The following FCHSD2 variants were observed in gnomAD, a reference collection of about 807,000 sequenced individuals.
The protein encoded by FCHSD2 is FCH and double SH3 domains 2.
In FCHSD2, 38 loss-of-function variants were observed where a neutral mutation model predicts 108.1. The ratio of observed to expected loss-of-function variants is 0.35; its 90% confidence interval spans 0.27 to 0.46. The LOEUF (loss-of-function observed/expected upper bound fraction) is 0.46, where lower values mean the gene tolerates loss of function less well. Ranked by LOEUF, FCHSD2 falls within the 20% of genes least tolerant of loss-of-function variation. The probability of loss-of-function intolerance (pLI) is 1.00; values close to 1 mark genes in which losing one functional copy is unlikely to be tolerated. For missense variants in FCHSD2, 751 were observed against 897.8 expected (o/e 0.84, Z 2.09); for synonymous variants, 279 against 314.7 (o/e 0.89, Z 1.20).
At position 72,872,549 on chromosome 11, in the gene FCHSD2, T is replaced by C. The variant is rs561964692; in HGVS notation, c.1147-4523A>G. Among the ~76,000 whole-genome samples, 99 of 152,308 alleles carry C rather than the reference T, an allele frequency of 6.5e-4. 4 individuals are homozygous for C. The highest frequency in any genetic ancestry group is 4.1e-4 in the South Asian group (2 of 4,830). On this transcript the variant is annotated intron_variant, in intron 12 of 19. Transcript: ENST00000409418. ...AACACATATGAAACAATATAATACA[T>C]GGTCTTTTATGACTAACTTCTCTCA...
At chr11:72,942,949 T>C (rs890044211) in intron 8 of FCHSD2, among the ~76,000 whole-genome samples, 2 of 152,056 alleles carry the variant, frequency 1.3e-5, no homozygotes, top group African/African-American at 4.8e-5. Context: ...GCTGGGATTA[T>C]AGGTGTGAGC....
intron 8 of FCHSD2, among the ~76,000 whole-genome samples, chr11:72,963,133 G>A (rs760665266): frequency 1.1e-4 from 16 of 152,094 alleles, no homozygotes; most frequent in Non-Finnish European, 2.1e-4. Context: ...AGTACTTTAC[G>A]TGTGTTTTTA....
chr11:72,949,681 C>G (rs965632193), intron 8 of FCHSD2, among the ~76,000 whole-genome samples: 2 of 152,110 alleles, frequency 1.3e-5, no homozygotes, highest in Non-Finnish European at 2.9e-5. Context: ...TCAAGGTCTA[C>G]CCATGTTGTA....
At chr11:72,853,163 G>A (rs757578836) in intron 13 of FCHSD2, among the ~76,000 whole-genome samples, 4 of 152,062 alleles carry the variant, frequency 2.6e-5, no homozygotes, top group Non-Finnish European at 4.4e-5. Context: ...AATTGAGTTC[G>A]AGACTAGAAA....
chr11:72,852,047 T>C (rs1861303865), intron 13 of FCHSD2, among the ~76,000 whole-genome samples: 1 of 151,938 alleles, frequency 6.6e-6, no homozygotes, highest in Non-Finnish European at 1.5e-5. Flanking sequence ...TGGCTAATTT[T>C]TGTTTTTGGT....
intron 4 of FCHSD2, among the ~76,000 whole-genome samples, chr11:73,007,359 G>A (rs756202327): frequency 1.3e-5 from 2 of 152,096 alleles, no homozygotes; most frequent in African/African-American, 4.8e-5. Context: ...AGTGGCTCAC[G>A]CATGTAATCC....
chr11:72,870,889 G>GAC, intron 12 of FCHSD2, among the ~76,000 whole-genome samples: 1 of 83,480 alleles, frequency 1.2e-5, no homozygotes, highest in South Asian at 5.2e-4. Flanking sequence ...GACAGTGCGA[G>GAC]ACTCCGTCTC....
chr11:73,061,638 C>T (rs534120556), intron 3 of FCHSD2, among the ~76,000 whole-genome samples: 41 of 152,244 alleles, frequency 2.7e-4, no homozygotes, highest in African/African-American at 9.4e-4. Flanking sequence ...GAGAGACGTC[C>T]GCCATTGCTG....
At chr11:72,892,812 G>T (rs1432734803) in intron 10 of FCHSD2, among the ~76,000 whole-genome samples, 4 of 151,822 alleles carry the variant, frequency 2.6e-5, no homozygotes, top group Admixed American at 2.6e-4. Flanking sequence ...CACCATGTTG[G>T]CCAGGATGGT....
intron 5 of FCHSD2, among the ~76,000 whole-genome samples, chr11:72,999,209 T>A (rs1281182859): frequency 6.6e-6 from 1 of 152,132 alleles, no homozygotes; most frequent in African/African-American, 2.4e-5. Context: ...ATACCCAATA[T>A]GTACTGAATA....
At chr11:72,894,788 A>G (rs1363413156) in intron 10 of FCHSD2, among the ~76,000 whole-genome samples, 3 of 152,174 alleles carry the variant, frequency 2.0e-5, no homozygotes, top group Non-Finnish European at 4.4e-5. Flanking sequence ...ATTTGAACTA[A>G]TAAGAGGTTA....
At chr11:72,889,514 A>T (rs1044465686) in intron 11 of FCHSD2, among the ~76,000 whole-genome samples, 4 of 152,180 alleles carry the variant, frequency 2.6e-5, no homozygotes, top group African/African-American at 7.2e-5. Context: ...GTTTGAGACC[A>T]GCCTGGGAAA....
Position 72,838,644 on chromosome 11 carries a change from T to G in FCHSD2, c.*147A>C. ...CGAAATATTCAAAACGTGGGAGGAG[T>G]CTACCAGGCCACCCAGTCACACATA... On this transcript the variant is annotated 3_prime_UTR_variant, in exon 20 of 20. Transcript: ENST00000409418. 1.6e-5 allele frequency: 10 copies of G among 608,862 alleles called. No individual in the cohort carries two copies. The highest frequency in any genetic ancestry group is 6.4e-5 in the South Asian group (3 of 47,086). 37.7% of individuals were successfully genotyped at this position (608,862 alleles called of 1,614,324 possible). A position where few individuals can be genotyped will look rare whatever the true frequency, so the allele number is the denominator to read the frequency against.
chr11:73,071,719 G>T (rs1859441437), intron 3 of FCHSD2, among the ~76,000 whole-genome samples: 1 of 151,634 alleles, frequency 6.6e-6, no homozygotes, highest in Admixed American at 6.6e-5. Flanking sequence ...ACAAAAAAAA[G>T]TGTCCAGTAG....
chr11:73,068,003 C>A (rs1859337437), intron 3 of FCHSD2, among the ~76,000 whole-genome samples: 1 of 151,914 alleles, frequency 6.6e-6, no homozygotes, highest in Admixed American at 6.6e-5. Context: ...AGAATAAGAA[C>A]CAAGTGAAAG....
intron 12 of FCHSD2, among the ~76,000 whole-genome samples, chr11:72,878,062 G>T (rs904426460): frequency 4.0e-5 from 6 of 151,844 alleles, no homozygotes; most frequent in Non-Finnish European, 7.4e-5. Flanking sequence ...AAAACTTTTT[G>T]GTGTAAGGCA....
At chr11:73,031,964 T>C (rs1330025213) in intron 3 of FCHSD2, among the ~76,000 whole-genome samples, 1 of 152,210 alleles carries the variant, frequency 6.6e-6, no homozygotes, top group Non-Finnish European at 1.5e-5. Context: ...GGGATTAATT[T>C]AAAAAATTAA....
At chr11:73,039,942 T>C (rs1346390417) in intron 3 of FCHSD2, among the ~76,000 whole-genome samples, 7 of 152,070 alleles carry the variant, frequency 4.6e-5, no homozygotes, top group Non-Finnish European at 1.0e-4. Context: ...CAAAAGCAGT[T>C]ATAAAACTAT....
At chr11:73,003,261 A>C (rs562167760) in intron 4 of FCHSD2, among the ~76,000 whole-genome samples, 4 of 152,304 alleles carry the variant, frequency 2.6e-5, no homozygotes, top group South Asian at 2.1e-4. Flanking sequence ...TGGCAAATGG[A>C]GAAATAACAA....
Sources: gnomAD v4.1 joint callset for allele counts (sites outside exome capture counted in the v4.1 genomes callset) on GRCh38, gnomAD v4.1.1 for gene constraint, MANE v1.5 for transcripts, NCBI Gene and HGNC (gene_info 2026-07-23, HGNC 2026-07-21) for gene names.